EPHA3: variants seen among roughly 807,000 people sequenced by gnomAD.
The protein encoded by EPHA3 is EPH receptor A3.
EPHA3 carries 42 observed loss-of-function variants against 107.1 expected under a neutral mutation model. The observed-to-expected ratio is 0.39, with a 90% CI of 0.31 to 0.51. The LOEUF (loss-of-function observed/expected upper bound fraction) is 0.51. Among genes scored for constraint, EPHA3 ranks in the 20% least tolerant of loss-of-function variants. The pLI is 0.78. For missense variants in EPHA3, 1,183 were observed against 1,211.2 expected, an observed-to-expected ratio of 0.98 and a Z score of 0.35; for synonymous variants, 461 against 424.8, an observed-to-expected ratio of 1.09 and a Z score of -1.05.
At chr3:89,425,621 C>G (rs2107531635) in intron 11 of EPHA3, among the ~76,000 whole-genome samples, 1 of 151,372 alleles carries the variant, frequency 6.6e-6, no homozygotes, top group African/African-American at 2.4e-5. Context: ...GTTTCAATAT[C>G]TGATAAACAG....
intron 3 of EPHA3, among the ~76,000 whole-genome samples, chr3:89,216,087 T>A (rs1412189238): frequency 2.0e-5 from 3 of 151,986 alleles, no homozygotes; most frequent in East Asian, 3.8e-4. Context: ...TTAGGTAATA[T>A]CTATATGCCA....
rs530755459 is a variant in EPHA3, at chr3:89,481,539, AGCAT to A, written c.*2038_*2041del. On this transcript the variant is annotated 3_prime_UTR_variant, in exon 17 of 17. Coordinates refer to ENST00000336596, the MANE Select transcript of EPHA3 (RefSeq NM_005233.6). ...ATTTTCTTTTTTAGGTACTATTCTGAGCATACTCAACAAAACCCATGCATTTCAT... is the reference window on the plus strand; with the variant it reads ...ATTTTCTTTTTTAGGTACTATTCTGAACTCAACAAAACCCATGCATTTCAT... 4.8e-4 allele frequency: 112 copies of A among 232,450 alleles called. No individual in the cohort carries two copies. Among genetic ancestry groups the A allele is most frequent in the African/African-American group, 2.2e-3 (98 of 45,376 alleles). The allele number at this position is 232,450 out of a possible 1,614,324, so 14.4% of individuals were successfully genotyped here.
chr3:89,453,789 C>T (rs576896796), intron 15 of EPHA3, among the ~76,000 whole-genome samples: 1 of 152,216 alleles, frequency 6.6e-6, no homozygotes, highest in East Asian at 1.9e-4. Flanking sequence ...TTGCCAAATG[C>T]TTTATTGAGA....
chr3:89,446,743 AG>A (rs1709884352), intron 13 of EPHA3, among the ~76,000 whole-genome samples: 1 of 151,394 alleles, frequency 6.6e-6, no homozygotes, highest in African/African-American at 2.4e-5. Context: ...TCACAATTTC[AG>A]TATTACTGAA....
chr3:89,418,204 T>C (rs552857620), intron 10 of EPHA3, among the ~76,000 whole-genome samples: 1 of 151,370 alleles, frequency 6.6e-6, no homozygotes, highest in Non-Finnish European at 1.5e-5. Flanking sequence ...CTAAAATATT[T>C]CAAGAAAAGC....
At chr3:89,393,966 G>A (rs1708797360) in intron 5 of EPHA3, among the ~76,000 whole-genome samples, 2 of 115,952 alleles carry the variant, frequency 1.7e-5, no homozygotes, top group African/African-American at 8.4e-5. Flanking sequence ...CTAAAATAGA[G>A]GATTATTGAA....
intron 5 of EPHA3, among the ~76,000 whole-genome samples, chr3:89,365,668 C>A (rs1708172056): frequency 2.0e-5 from 3 of 150,536 alleles, no homozygotes; most frequent in Admixed American, 1.3e-4. Flanking sequence ...AGGGACTATT[C>A]ACACACATTG....
intron 2 of EPHA3, among the ~76,000 whole-genome samples, chr3:89,179,599 A>C (rs1705393294): frequency 6.6e-6 from 1 of 151,602 alleles, no homozygotes; most frequent in African/African-American, 2.4e-5. Flanking sequence ...GGTTAACTGT[A>C]GTGAAGACAG....
chr3:89,280,935 G>T (rs1291393342), intron 3 of EPHA3, among the ~76,000 whole-genome samples: 1 of 151,762 alleles, frequency 6.6e-6, no homozygotes, highest in Non-Finnish European at 1.5e-5. Context: ...ATAATACTAG[G>T]TATTATTTAC....
intron 2 of EPHA3, among the ~76,000 whole-genome samples, chr3:89,154,281 T>A (rs537306221): frequency 5.4e-4 from 82 of 151,628 alleles, no homozygotes; most frequent in African/African-American, 1.6e-3. Context: ...TTTTTTTTTT[T>A]TTTTATTTTT....
At chr3:89,435,500 CTT>C (rs1709649680) in intron 13 of EPHA3, among the ~76,000 whole-genome samples, 2 of 143,752 alleles carry the variant, frequency 1.4e-5, no homozygotes, top group Admixed American at 1.4e-4. Context: ...TATATATACA[CTT>C]TTATATATAA....
chr3:89,114,997 G>A (rs1158596390), intron 1 of EPHA3, among the ~76,000 whole-genome samples: 1 of 152,192 alleles, frequency 6.6e-6, no homozygotes, highest in African/African-American at 2.4e-5. Flanking sequence ...ATGTCTGGAA[G>A]TGGCGTGTCT....
At chr3:89,423,513 T>C (rs1709394031) in intron 11 of EPHA3, among the ~76,000 whole-genome samples, 1 of 151,436 alleles carries the variant, frequency 6.6e-6, no homozygotes, top group Non-Finnish European at 1.5e-5. Context: ...CTTACTATAC[T>C]AGTAATTTAC....
At chr3:89,216,023 T>C (rs766779955) in intron 3 of EPHA3, among the ~76,000 whole-genome samples, 63 of 151,956 alleles carry the variant, frequency 4.1e-4, no homozygotes, top group Non-Finnish European at 7.4e-4. Flanking sequence ...ACTAAGTTCT[T>C]TGGGCTTTTA....
chr3:89,401,213 G>T (rs2107510994), intron 7 of EPHA3, among the ~76,000 whole-genome samples: 1 of 152,240 alleles, frequency 6.6e-6, no homozygotes, highest in Admixed American at 6.5e-5. Flanking sequence ...CGGACAATTA[G>T]AAATGCTGCT....
chr3:89,339,244 G>A (rs1265282268), intron 3 of EPHA3, among the ~76,000 whole-genome samples: 3 of 151,948 alleles, frequency 2.0e-5, no homozygotes, highest in South Asian at 2.1e-4. Flanking sequence ...GGTGGCGCAC[G>A]CCTGTAATCC....
chr3:89,116,765 G>A (rs945187948), intron 1 of EPHA3, among the ~76,000 whole-genome samples: 1 of 148,774 alleles, frequency 6.7e-6, no homozygotes, highest in Non-Finnish European at 1.5e-5. Context: ...TAACCAAAGA[G>A]TTAGCCATTC....
At chr3:89,440,450 C>G (rs1709761453) in intron 13 of EPHA3, among the ~76,000 whole-genome samples, 1 of 152,128 alleles carries the variant, frequency 6.6e-6, no homozygotes, top group African/African-American at 2.4e-5. Context: ...CATTTGGCAG[C>G]TATGTGATAT....
chr3:89,471,895 G>A (rs1292483740), intron 15 of EPHA3, among the ~76,000 whole-genome samples: 1 of 149,222 alleles, frequency 6.7e-6, no homozygotes, highest in Non-Finnish European at 1.5e-5. Flanking sequence ...TTTCTTATCA[G>A]TCATCTACTT....
Sources: allele counts gnomAD v4.1 joint callset (sites outside exome capture counted in the v4.1 genomes callset), GRCh38; gene constraint gnomAD v4.1.1; transcripts MANE v1.5; gene names NCBI Gene and HGNC (gene_info 2026-07-23, HGNC 2026-07-21).